Variants in C7orf33 observed in about 807,000 individuals in gnomAD.
C7orf33 encodes chromosome 7 open reading frame 33, also known as uncharacterized protein C7orf33.
Under a neutral mutation model 13.4 loss-of-function variants are expected in C7orf33, and 15 were observed. That is an observed-to-expected ratio of 1.12 (90% CI 0.75 to 1.72). The LOEUF (loss-of-function observed/expected upper bound fraction) is 1.72, where lower values mean the gene tolerates loss of function less well. Ranked by LOEUF, C7orf33 falls within the 40% of genes most tolerant of loss-of-function variation. C7orf33 has a pLI of 0.00. For synonymous variants in C7orf33, 73 were observed against 83.2 expected (o/e 0.88, Z 0.67); for missense variants, 187 against 220.3 (o/e 0.85, Z 0.96).
chr7:148,602,338 G>A lies in C7orf33; in HGVS notation c.204+11209G>A, dbSNP rs1055486107. ...GGGTGGGTCACGGTGGCTCAGACCTGTAAACCCAGCCACTTCGGGAGGCCA... is the reference window on the plus strand; with the variant it reads ...GGGTGGGTCACGGTGGCTCAGACCTATAAACCCAGCCACTTCGGGAGGCCA... On this transcript the variant is annotated intron_variant, in intron 1 of 2. Coordinates refer to ENST00000307003, the MANE Select transcript of C7orf33 (RefSeq NM_145304.4). Among the ~76,000 whole-genome samples, 4 of 151,948 alleles carry A rather than the reference G, an allele frequency of 2.6e-5. No individual in the cohort carries two copies. In the South Asian group the frequency reaches 6.3e-4, roughly 24 times the overall value.
chr7:148,598,043 C>T (rs1404193274), intron 1 of C7orf33, among the ~76,000 whole-genome samples: 1 of 152,202 alleles, frequency 6.6e-6, no homozygotes, highest in Non-Finnish European at 1.5e-5. Context: ...GAGTGAGCCA[C>T]GGCGCCCAGC....
rs1447446865 is a variant in C7orf33 at position 148,615,616 on chromosome 7, C to T, written c.*215C>T. On this transcript the variant is annotated 3_prime_UTR_variant, in exon 3 of 3. Coordinates refer to ENST00000307003, the MANE Select transcript of C7orf33 (RefSeq NM_145304.4). The stretch of plus-strand genomic sequence containing the variant: ...CGTGTACCTGCAGGAATCTGTGTGG[C>T]ATTTGTGCACTGGTGTGGGGCCCAG... 2 of 464,338 alleles carry T rather than the reference C, an allele frequency of 4.3e-6. No individual in the cohort carries two copies. Among genetic ancestry groups the T allele is most frequent in the Non-Finnish European group, 7.9e-6 (2 of 252,656 alleles). The allele number at this position is 464,338 out of a possible 1,614,324, so 28.8% of individuals were successfully genotyped here.
At chr7:148,604,248 TC>T (rs750056370) in intron 1 of C7orf33, among the ~76,000 whole-genome samples, 13 of 152,020 alleles carry the variant, frequency 8.6e-5, no homozygotes, top group Non-Finnish European at 1.5e-4. Context: ...TGCCTTGGCC[TC>T]CCAAGTAGCT....
intron 1 of C7orf33, among the ~76,000 whole-genome samples, chr7:148,610,788 A>C (rs1418010940): frequency 6.6e-6 from 1 of 152,110 alleles, no homozygotes; most frequent in East Asian, 1.9e-4. Flanking sequence ...GGCTAGTTAA[A>C]AAACAAGATG....
chr7:148,612,934 A>G (rs1488496289), intron 1 of C7orf33, among the ~76,000 whole-genome samples: 1 of 152,032 alleles, frequency 6.6e-6, no homozygotes, highest in Non-Finnish European at 1.5e-5. Flanking sequence ...ATGTGTAATG[A>G]TCAAATCAGG....
chr7:148,610,364 G>A (rs1796523818), intron 1 of C7orf33, among the ~76,000 whole-genome samples: 1 of 152,112 alleles, frequency 6.6e-6, no homozygotes, highest in South Asian at 2.1e-4. Flanking sequence ...TATAGAGCAG[G>A]CAGAAAAATG....
chr7:148,595,056 G>C (rs1057392061), intron 1 of C7orf33, among the ~76,000 whole-genome samples: 1 of 151,742 alleles, frequency 6.6e-6, no homozygotes, highest in Non-Finnish European at 1.5e-5. Context: ...TCACTTAATA[G>C]TTTCTGAATA....
chr7:148,615,281 G>T, intron 2 of C7orf33, 46 bp from the exon 3 acceptor site: 1 of 1,288,672 alleles, frequency 7.8e-7, no homozygotes, highest in Non-Finnish European at 1.1e-6. Context: ...CTAGGGAAAA[G>T]GTAAATCATC....
At chr7:148,602,901 TAA>T (rs1330000869) in intron 1 of C7orf33, among the ~76,000 whole-genome samples, 1 of 152,216 alleles carries the variant, frequency 6.6e-6, no homozygotes, top group Admixed American at 6.5e-5. Flanking sequence ...AATATATTTT[TAA>T]AAGAGTCATC....
chr7:148,613,304 T>C (rs1270711833), intron 1 of C7orf33, among the ~76,000 whole-genome samples: 6 of 152,358 alleles, frequency 3.9e-5, no homozygotes, highest in Non-Finnish European at 5.9e-5. Context: ...GCAATTCTAC[T>C]TCTAGGTATA....
chr7:148,602,771 A>T (rs1796430819), intron 1 of C7orf33, among the ~76,000 whole-genome samples: 3 of 152,246 alleles, frequency 2.0e-5, no homozygotes, highest in African/African-American at 7.2e-5. Flanking sequence ...CTGCCTAAAA[A>T]TTCCAAAAAT....
chr7:148,598,968 T>A (rs1202267549), intron 1 of C7orf33, among the ~76,000 whole-genome samples: 1 of 151,960 alleles, frequency 6.6e-6, no homozygotes, highest in Non-Finnish European at 1.5e-5. Flanking sequence ...GTTCAAGTGA[T>A]TCTCCTGCCT....
At position 148,590,962 on chromosome 7, in the gene C7orf33, T is replaced by C. The variant is rs145588023; in HGVS notation, c.37T>C (p.Cys13Arg). 3.0e-3 allele frequency: 4,864 copies of C among 1,614,048 alleles called. 10 individuals are homozygous for C. Among genetic ancestry groups the C allele is most frequent in the Non-Finnish European group, 3.8e-3 (4,443 of 1,180,014 alleles). ...VEVQSLSLEE[C>R]PWRLPGPQCE... is the part of the protein sequence containing the mutation. ...AGTTCAAAGCCTCAGCCTTGAAGAG[T>C]GTCCCTGGAGACTTCCAGGCCCCCA... Residue 13 changes from cysteine (C) to arginine (R), a missense_variant, in exon 1 of 3, where the codon TGT (cysteine) becomes CGT (arginine). By Grantham distance (180) the Cys-to-Arg change is radical. Coordinates refer to ENST00000307003, the MANE Select transcript of C7orf33 (RefSeq NM_145304.4).
intron 1 of C7orf33, among the ~76,000 whole-genome samples, chr7:148,603,908 G>A (rs1212712666): frequency 6.6e-6 from 1 of 152,046 alleles, no homozygotes; most frequent in Non-Finnish European, 1.5e-5. Context: ...CTACCCAGAG[G>A]AAAAGAAGTC....
intron 1 of C7orf33, among the ~76,000 whole-genome samples, chr7:148,599,686 G>T (rs1413205665): frequency 6.6e-6 from 1 of 151,966 alleles, no homozygotes; most frequent in African/African-American, 2.4e-5. Flanking sequence ...TGTTGGTCAG[G>T]CTGGTCTCGA....
chr7:148,610,197 T>A, intron 1 of C7orf33, among the ~76,000 whole-genome samples: 1 of 152,230 alleles, frequency 6.6e-6, no homozygotes. Context: ...GTTAATTCTG[T>A]CGACTTGATT....
Position 148,614,071 on chromosome 7 carries a change from G to T in C7orf33, c.234G>T (p.Arg78=). ...CAAACCCACACCAAAACATGAACCGGGGGATGGAATTTATTGCTCCTGTAT... is the reference window on the plus strand; with the variant it reads ...CAAACCCACACCAAAACATGAACCGTGGGATGGAATTTATTGCTCCTGTAT... ...KKPNPHQNMN[R]GMEFIAPVSA... is the part of the protein sequence containing the mutation. The change falls in exon 2 of 3, where the codon CGG becomes CGT. Residue 78 remains arginine, a synonymous_variant. Coordinates refer to ENST00000307003, the MANE Select transcript of C7orf33 (RefSeq NM_145304.4). The T allele has an allele frequency of 6.2e-7, 1 of 1,614,110 alleles. No individual in the cohort carries two copies. The highest frequency in any genetic ancestry group is 8.5e-7 in the Non-Finnish European group (1 of 1,180,022).
At chr7:148,600,421 A>C (rs1246495028) in intron 1 of C7orf33, among the ~76,000 whole-genome samples, 1 of 152,194 alleles carries the variant, frequency 6.6e-6, no homozygotes, top group African/African-American at 2.4e-5. Flanking sequence ...CAGTGAGCTG[A>C]GATCATGCTA....
At chr7:148,602,245 C>T (rs941410609) in intron 1 of C7orf33, among the ~76,000 whole-genome samples, 1 of 152,028 alleles carries the variant, frequency 6.6e-6, no homozygotes, top group Admixed American at 6.6e-5. Flanking sequence ...AGGGCATCTA[C>T]AGCAACCATT....
Sources: allele counts gnomAD v4.1 joint callset (sites outside exome capture counted in the v4.1 genomes callset), GRCh38; gene constraint gnomAD v4.1.1; transcripts MANE v1.5; gene names NCBI Gene and HGNC (gene_info 2026-07-23, HGNC 2026-07-21).